EPB41: variants seen among roughly 807,000 people sequenced by gnomAD.
EPB41 encodes erythrocyte membrane protein band 4.1, also known as protein 4.1.
In EPB41, 65 loss-of-function variants were observed where a neutral mutation model predicts 108.0. The ratio of observed to expected loss-of-function variants is 0.60; its 90% CI spans 0.49 to 0.74. The LOEUF is 0.74. Among genes scored for constraint, EPB41 ranks in the 30% least tolerant of loss-of-function variants. The probability of loss-of-function intolerance (pLI) is 0.00; values close to 1 mark genes in which losing one functional copy is unlikely to be tolerated. For missense variants in EPB41, 875 were observed against 1,037.0 expected, an observed-to-expected ratio of 0.84 and a Z score of 2.15; for synonymous variants, 336 against 358.9, an observed-to-expected ratio of 0.94 and a Z score of 0.72.
intron 4 of EPB41, among the ~76,000 whole-genome samples, chr1:29,009,673 G>C (rs1572377760): frequency 6.6e-6 from 1 of 152,044 alleles, no homozygotes; most frequent in South Asian, 2.1e-4. Context: ...TTGAAAATAC[G>C]GCAACTTTTT....
chr1:29,056,278 CAAAA>C (rs549272078), intron 12 of EPB41, among the ~76,000 whole-genome samples: 2 of 142,404 alleles, frequency 1.4e-5, no homozygotes, highest in African/African-American at 5.2e-5. Flanking sequence ...CAAAACAAAA[CAAAA>C]AAAAAACTAT....
intron 1 of EPB41, among the ~76,000 whole-genome samples, chr1:28,957,402 C>T (rs2095000512): frequency 6.6e-6 from 1 of 152,112 alleles, no homozygotes; most frequent in Non-Finnish European, 1.5e-5. Flanking sequence ...CTGACAGAAA[C>T]ATTGCTAAAA....
At position 29,088,031 on chromosome 1, in the gene EPB41, CTTTTTCTT is replaced by C. The variant is rs1156405796; in HGVS notation, c.2185-9754_2185-9747del. ...TCTTTCTATCATAGCATCTTTTTTC[CTTTTTCTT>C]TTTTTCTTTTTTTCTTTTTTTTTTG... On this transcript the variant is annotated intron_variant, in intron 16 of 20. Transcript: ENST00000343067. Among the ~76,000 whole-genome samples, 791 of 147,084 alleles carry C rather than the reference CTTTTTCTT, an allele frequency of 5.4e-3. 8 individuals are homozygous for C. Among genetic ancestry groups the C allele is most frequent in the African/African-American group, 0.018 (715 of 40,164 alleles).
At chr1:29,002,660 T>C (rs1046548089) in intron 4 of EPB41, among the ~76,000 whole-genome samples, 2 of 152,192 alleles carry the variant, frequency 1.3e-5, no homozygotes, top group African/African-American at 2.4e-5. Context: ...CAAGACTATA[T>C]GGCTTTATTT....
intron 11 of EPB41, among the ~76,000 whole-genome samples, chr1:29,049,169 C>G (rs1470737656): frequency 6.6e-6 from 1 of 152,126 alleles, no homozygotes; most frequent in Non-Finnish European, 1.5e-5. Flanking sequence ...TGGTTCAGAT[C>G]CCAGTTTTAT....
chr1:28,928,370 C>G lies in EPB41; in HGVS notation c.-8+13602C>G, dbSNP rs1284245417. Among the ~76,000 whole-genome samples, 6 of 152,196 alleles carry G rather than the reference C, an allele frequency of 3.9e-5. No individual in the cohort carries two copies. In the East Asian group the frequency reaches 1.2e-3, roughly 29 times the overall value. On this transcript the variant is annotated intron_variant, in intron 1 of 20. Coordinates refer to ENST00000343067, the MANE Select transcript of EPB41 (RefSeq NM_001376013.1). ...CCTGTGGTTATATCTGATACAGGCC[C>G]CACTTCTTTCATGTGATCAACACCA...
chr1:29,020,414 A>T (rs1214836753), intron 7 of EPB41, among the ~76,000 whole-genome samples: 1 of 152,172 alleles, frequency 6.6e-6, no homozygotes, highest in African/African-American at 2.4e-5. Context: ...ATATAAAAAT[A>T]TATGCATATA....
In EPB41 at chr1:29,099,118, C is replaced by T. The variant is rs1439503077; in HGVS notation, c.2313+1183C>T. The stretch of plus-strand genomic sequence containing the variant: ...GGTCAGGAGTTCAGGACCGGCCTGG[C>T]CAACGTGGTGAAACCCCATCTCTAC... On this transcript the variant is annotated intron_variant, in intron 17 of 20. Transcript: ENST00000343067. 1.7e-4 allele frequency among the ~76,000 whole-genome samples: 25 copies of T among 150,176 alleles called. 1 individual carries two copies. The highest frequency in any genetic ancestry group is 7.4e-5 in the Non-Finnish European group (5 of 67,430).
chr1:28,887,357 C>A lies in EPB41; in HGVS notation c.-8+147C>A. Reference sequence around the variant, plus strand: ...CCAGGGCTGAGGGGTCCAGCGGTCCCGAATTCCAGAATCCGAACTTGGGGT... The same window carrying A: ...CCAGGGCTGAGGGGTCCAGCGGTCCAGAATTCCAGAATCCGAACTTGGGGT... On this transcript the variant is annotated intron_variant, in intron 1 of 16. Coordinates refer to the EPB41 transcript ENST00000347529. This position sits in a 1 kb window ranked among gnomAD's most constrained non-coding sequence, Gnocchi z 4.9. 8.7e-7 allele frequency: 1 copy of A among 1,145,264 alleles called. No individual in the cohort carries two copies. The highest frequency in any genetic ancestry group is 1.7e-5 in the South Asian group (1 of 57,624). The allele number at this position is 1,145,264 out of a possible 1,614,324, so 70.9% of individuals were successfully genotyped here.
intron 2 of EPB41, 59 bp from the exon 3 acceptor site, chr1:28,993,271 A>G: frequency 7.4e-7 from 1 of 1,343,396 alleles, no homozygotes; most frequent in East Asian, 2.3e-5. Flanking sequence ...GTAAAAGCAT[A>G]TACAGCATGT....
intron 16 of EPB41, among the ~76,000 whole-genome samples, chr1:29,085,823 A>G (rs1276447031): frequency 6.6e-6 from 1 of 152,196 alleles, no homozygotes; most frequent in Non-Finnish European, 1.5e-5. Flanking sequence ...AAGTGCTGGG[A>G]TTAAAGGCGT....
At chr1:29,046,235 C>G (rs1451158459) in intron 11 of EPB41, among the ~76,000 whole-genome samples, 1 of 151,894 alleles carries the variant, frequency 6.6e-6, no homozygotes, top group Non-Finnish European at 1.5e-5. Context: ...AGTGACTCTC[C>G]TGCCTCAGCC....
intron 1 of EPB41, among the ~76,000 whole-genome samples, chr1:28,966,395 A>C (rs868348879): frequency 6.6e-6 from 1 of 152,154 alleles, no homozygotes; most frequent in Non-Finnish European, 1.5e-5. Flanking sequence ...TGGACTTATC[A>C]AAATCAGTCT....
intron 1 of EPB41, among the ~76,000 whole-genome samples, chr1:28,966,113 C>T (rs1202612615): frequency 6.6e-6 from 1 of 151,622 alleles, no homozygotes; most frequent in Admixed American, 6.6e-5. Flanking sequence ...AACTTGGGAG[C>T]CGGAGGTTGC....
intron 1 of EPB41, among the ~76,000 whole-genome samples, chr1:28,955,681 A>G (rs750707770): frequency 2.0e-5 from 3 of 151,974 alleles, no homozygotes; most frequent in Non-Finnish European, 4.4e-5. Context: ...TCCTCCGTTT[A>G]CTGAGTGGGT....
intron 4 of EPB41, 124 bp downstream of exon 4, chr1:28,997,443 T>A (rs2096205716): frequency 1.4e-6 from 1 of 691,054 alleles, no homozygotes; most frequent in African/African-American, 1.8e-5. Context: ...TGTCTACTCT[T>A]ATTTCTTAGA....
chr1:28,982,096 C>T (rs2095763059), intron 1 of EPB41, among the ~76,000 whole-genome samples: 1 of 151,830 alleles, frequency 6.6e-6, no homozygotes, highest in Non-Finnish European at 1.5e-5. Flanking sequence ...TTCCTGTGTC[C>T]ATGTGTTCTC....
rs542698631 is a variant in EPB41 at position 28,903,824 on chromosome 1, A to T, written c.-8+16614A>T. ...ATCTCAGTGGTGAAGTTCTGATTTG[A>T]ACCAAGGTCGGCCTGCCTCAAAAGT... On this transcript the variant is annotated intron_variant, in intron 1 of 16. Transcript: ENST00000347529. Among the ~76,000 whole-genome samples the T allele has an allele frequency of 3.3e-5, 5 of 152,138 alleles. No homozygotes were observed. In the South Asian group the frequency reaches 1.0e-3, roughly 32 times the overall value.
At chr1:28,892,838 C>G (rs1167728034) in intron 1 of EPB41, among the ~76,000 whole-genome samples, 1 of 112,672 alleles carries the variant, frequency 8.9e-6, no homozygotes, top group Admixed American at 1.2e-4. Context: ...GAATCTTACT[C>G]TGTTGTCCAG....
Sources: gnomAD v4.1 joint callset for allele counts (sites outside exome capture counted in the v4.1 genomes callset) on GRCh38, gnomAD v4.1.1 for gene constraint, Gnocchi (gnomAD v3.1) non-coding constraint, MANE v1.5 for transcripts, NCBI Gene and HGNC (gene_info 2026-07-23, HGNC 2026-07-21) for gene names.